ROBO1: variants seen among roughly 807,000 people sequenced by gnomAD.
ROBO1 encodes the protein roundabout guidance receptor 1, also known as roundabout homolog 1.
ROBO1 carries 149 observed loss-of-function variants against 195.9 expected under a neutral mutation model. The ratio of observed to expected loss-of-function variants is 0.76; its 90% CI spans 0.67 to 0.87. The LOEUF (loss-of-function observed/expected upper bound fraction) is 0.87, where lower values mean the gene tolerates loss of function less well. Ranked by LOEUF, ROBO1 falls within the 40% of genes least tolerant of loss-of-function variation. The probability of loss-of-function intolerance (pLI) is 0.00; values close to 1 mark genes in which losing one functional copy is unlikely to be tolerated. For synonymous variants in ROBO1, 816 were observed against 733.2 expected, an observed-to-expected ratio of 1.11 and a Z score of -1.82; for missense variants, 1,933 against 2,068.3, an observed-to-expected ratio of 0.93 and a Z score of 1.27.
At chr3:79,290,013 A>G (rs1008262262) in intron 2 of ROBO1, among the ~76,000 whole-genome samples, 1 of 151,780 alleles carries the variant, frequency 6.6e-6, no homozygotes, top group African/African-American at 2.4e-5. Context: ...CAACCATCCA[A>G]TTTTCTCCTG....
At chr3:79,208,038 G>C (rs2081903918) in intron 2 of ROBO1, among the ~76,000 whole-genome samples, 1 of 152,122 alleles carries the variant, frequency 6.6e-6, no homozygotes, top group South Asian at 2.1e-4. Flanking sequence ...AAATTACCTT[G>C]ATGTCAAAAA....
intron 3 of ROBO1, among the ~76,000 whole-genome samples, chr3:79,065,694 A>G (rs2078992531): frequency 6.6e-6 from 1 of 152,020 alleles, no homozygotes; most frequent in South Asian, 2.1e-4. Context: ...ATATATTTCA[A>G]TTCATGAATT....
At chr3:79,299,656 T>A (rs1275918847) in intron 2 of ROBO1, among the ~76,000 whole-genome samples, 1 of 152,158 alleles carries the variant, frequency 6.6e-6, no homozygotes, top group African/African-American at 2.4e-5. Flanking sequence ...AAATAATAAT[T>A]TTTAATTGAG....
Position 79,759,559 on chromosome 3 carries a change from T to C in ROBO1, c.-51+8193A>G, listed in dbSNP as rs575431102. On this transcript the variant is annotated intron_variant, in intron 1 of 30. Coordinates refer to ENST00000464233, the MANE Select transcript of ROBO1 (RefSeq NM_002941.4). ...AATATACTCTATAAAGAACTAAAAC[T>C]AAGTAAATGACGCTATGCATAGCTA... is the stretch of plus-strand genomic sequence containing the variant. 7.2e-4 allele frequency among the ~76,000 whole-genome samples: 110 copies of C among 152,300 alleles called. 1 individual carries two copies. Among genetic ancestry groups the C allele is most frequent in the Admixed American group, 1.4e-3 (22 of 15,292 alleles).
chr3:79,641,426 T>C (rs916889325), intron 1 of ROBO1, among the ~76,000 whole-genome samples: 5 of 152,096 alleles, frequency 3.3e-5, no homozygotes, highest in African/African-American at 7.2e-5. Context: ...AGGGATAGCA[T>C]TGGGAGATAT....
chr3:79,447,309 A>T (rs1013670106), intron 2 of ROBO1, among the ~76,000 whole-genome samples: 9 of 152,282 alleles, frequency 5.9e-5, no homozygotes, highest in Admixed American at 2.0e-4. Context: ...GAGGGACAAT[A>T]ATGGAAGGCC....
At chr3:79,677,260 A>G (rs1946810499) in intron 1 of ROBO1, among the ~76,000 whole-genome samples, 1 of 152,030 alleles carries the variant, frequency 6.6e-6, no homozygotes, top group African/African-American at 2.4e-5. Context: ...TTGATGTAAG[A>G]AGCTGTGTTA....
intron 2 of ROBO1, among the ~76,000 whole-genome samples, chr3:79,438,286 T>G (rs1330999299): frequency 6.6e-6 from 1 of 151,940 alleles, no homozygotes; most frequent in Non-Finnish European, 1.5e-5. Context: ...CTTGCAGGAC[T>G]GTTGATACTG....
At chr3:78,693,188 C>T in intron 8 of ROBO1, 4 of 906,224 alleles carry the variant, frequency 4.4e-6, no homozygotes, top group Non-Finnish European at 6.5e-6. Flanking sequence ...ATACTTCCTG[C>T]AGACTTTATT....
rs903014027 is a variant in ROBO1, at chr3:79,083,389, T to C, written c.172+42067A>G. 6.6e-5 allele frequency among the ~76,000 whole-genome samples: 10 copies of C among 152,308 alleles called. No individual in the cohort carries two copies. In the East Asian group the frequency reaches 1.7e-3, roughly 26 times the overall value. On this transcript the variant is annotated intron_variant, in intron 3 of 30. Transcript: ENST00000464233. ...GTGAAGATATTTGAAAATAATTCAT[T>C]GTTGTGCTATATATAGATACCTATT... is the stretch of plus-strand genomic sequence containing the variant.
At chr3:78,610,218 C>A (rs1284838270) in intron 28 of ROBO1, among the ~76,000 whole-genome samples, 5 of 152,274 alleles carry the variant, frequency 3.3e-5, no homozygotes, top group African/African-American at 1.2e-4. Flanking sequence ...GACAGTGTCA[C>A]AAGTGTGTTT....
At chr3:79,249,353 T>G (rs779136576) in intron 2 of ROBO1, among the ~76,000 whole-genome samples, 15 of 152,204 alleles carry the variant, frequency 9.9e-5, no homozygotes, top group Non-Finnish European at 1.6e-4. Context: ...GACTTAATTA[T>G]GAACGCCTTA....
rs370985263 is a variant in ROBO1, at chr3:79,489,192, A to G, written c.88+100632T>C. On this transcript the variant is annotated intron_variant, in intron 2 of 30. Coordinates refer to ENST00000464233, the MANE Select transcript of ROBO1 (RefSeq NM_002941.4). ...CTTCAGACTAATCAATTTAAGATAA[A>G]AAACTGGCAATTACAATTGTGGAAT... Among the ~76,000 whole-genome samples the G allele has an allele frequency of 2.4e-4, 37 of 152,106 alleles. 1 individual carries two copies. The East Asian group carries it at 6.8e-3, about 28-fold the overall frequency.
chr3:79,211,916 G>C (rs571784426), intron 2 of ROBO1, among the ~76,000 whole-genome samples: 1 of 152,194 alleles, frequency 6.6e-6, no homozygotes, highest in Non-Finnish European at 1.5e-5. Context: ...CTGGAACAGA[G>C]ATTTACCCAC....
chr3:79,657,854 A>G (rs4856440), intron 1 of ROBO1, among the ~76,000 whole-genome samples: 89,139 of 151,772 alleles, frequency 0.59, 26,557 homozygotes, highest in African/African-American at 0.67. Flanking sequence ...ATATATTGAA[A>G]CATTGCTCTA....
At chr3:79,211,784 G>C (rs2081969455) in intron 2 of ROBO1, among the ~76,000 whole-genome samples, 1 of 152,132 alleles carries the variant, frequency 6.6e-6, no homozygotes, top group African/African-American at 2.4e-5. Context: ...TGATTGCCGA[G>C]ACCAGCTTGG....
chr3:79,686,139 A>T (rs990185617), intron 1 of ROBO1, among the ~76,000 whole-genome samples: 25 of 152,206 alleles, frequency 1.6e-4, no homozygotes, highest in African/African-American at 6.0e-4. Flanking sequence ...ATCTCAACAG[A>T]TGCAGAAAAA....
Position 78,717,381 on chromosome 3 carries a change from A to C in ROBO1, c.811T>G (p.Leu271Val), listed in dbSNP as rs1351987888. ...RPSFVKRPSN[L>V]AVTVDDSAEF... ...GCACTGTCATCCACAGTTACTGCCA[A>C]GTTACTGGGTCTCTTCACAAATGAT... Residue 271 changes from leucine to valine, a missense_variant, in exon 7 of 31, where the codon TTG becomes GTG. By Grantham distance (32) the Leu-to-Val change is conservative. Around this residue, in one of 3 missense-constraint regions of ROBO1, gnomAD observed 1,737 missense variants for 1,882.5 expected, o/e 0.92. Transcript: ENST00000464233. The C allele has an allele frequency of 6.2e-7, 1 of 1,613,612 alleles. No homozygotes were observed. Among genetic ancestry groups the C allele is most frequent in the African/African-American group, 1.3e-5 (1 of 74,910 alleles).
intron 2 of ROBO1, among the ~76,000 whole-genome samples, chr3:79,521,562 A>G (rs1263362812): frequency 6.6e-6 from 1 of 152,208 alleles, no homozygotes; most frequent in East Asian, 1.9e-4. Flanking sequence ...AAGTGACTAC[A>G]TAAGTAACAC....
Sources: gnomAD v4.1 joint callset for allele counts (sites outside exome capture counted in the v4.1 genomes callset) on GRCh38, gnomAD v4.1.1 for gene constraint, gnomAD v4.1.1 regional missense constraint, MANE v1.5 for transcripts, NCBI Gene and HGNC (gene_info 2026-07-23, HGNC 2026-07-21) for gene names.